Variants in ITPR1 observed in about 807,000 individuals in gnomAD.
ITPR1 encodes the protein inositol 1,4,5-trisphosphate-gated calcium channel ITPR1.
ITPR1 carries 96 observed loss-of-function variants against 318.4 expected under a neutral mutation model. That is an observed-to-expected ratio of 0.30 (90% confidence interval 0.26 to 0.36). ITPR1 has a LOEUF of 0.36. Among genes scored for constraint, ITPR1 ranks in the 10% least tolerant of loss-of-function variants. The probability of loss-of-function intolerance (pLI) is 1.00; values close to 1 mark genes in which losing one functional copy is unlikely to be tolerated. For synonymous variants in ITPR1, 1,312 were observed against 1,289.9 expected, an observed-to-expected ratio of 1.02 and a Z score of -0.37; for missense variants, 2,440 against 3,460.2, an observed-to-expected ratio of 0.71 and a Z score of 7.40.
chr3:4,598,856 T>G (rs1416591681), intron 4 of ITPR1, among the ~76,000 whole-genome samples: 1 of 152,178 alleles, frequency 6.6e-6, no homozygotes, highest in African/African-American at 2.4e-5. Context: ...GAATCTCACT[T>G]TACTCTGAGA....
chr3:4,665,396 T>C, intron 17 of ITPR1, 100 bp downstream of exon 17: 1 of 1,119,822 alleles, frequency 8.9e-7, no homozygotes, highest in East Asian at 2.4e-5. Context: ...ATTTATAGAA[T>C]GGATGCAGAA....
At chr3:4,624,968 T>C (rs1317946442) in intron 4 of ITPR1, among the ~76,000 whole-genome samples, 2 of 152,172 alleles carry the variant, frequency 1.3e-5, no homozygotes, top group African/African-American at 4.8e-5. Flanking sequence ...ATGACCTGTG[T>C]CTTTCCTAAG....
intron 60 of ITPR1, among the ~76,000 whole-genome samples, chr3:4,834,153 AAAG>A (rs2050717357): frequency 6.6e-6 from 1 of 152,154 alleles, no homozygotes; most frequent in South Asian, 2.1e-4. Context: ...TCGGCCTCCC[AAAG>A]CACTGGGATT....
chr3:4,733,200 C>A lies in ITPR1; in HGVS notation c.5333C>A (p.Pro1778His). ...FGNGPLSAGG[P>H]GKPGGGGGGS... ...AATGGCCCACTGTCAGCAGGAGGAC[C>A]CGGCAAGCCCGGGGGAGGAGGTACG... Residue 1778 changes from proline (P) to histidine (H), a missense_variant, in exon 43 of 62, where the codon CCC becomes CAC. Pro to His is a moderately conservative substitution (Grantham distance 77, BLOSUM62 -2). Around this residue, in one of 23 missense-constraint regions of ITPR1, gnomAD observed 166 missense variants for 143.7 expected, o/e 1.16. Coordinates refer to ENST00000649015, the MANE Select transcript of ITPR1 (RefSeq NM_001378452.1). 1.2e-6 allele frequency: 2 copies of A among 1,613,938 alleles called. No individual in the cohort carries two copies. Among genetic ancestry groups the A allele is most frequent in the Non-Finnish European group, 1.7e-6 (2 of 1,179,866 alleles).
At chr3:4,706,470 C>A in intron 37 of ITPR1, 119 bp downstream of exon 37, 2 of 839,514 alleles carry the variant, frequency 2.4e-6, no homozygotes, top group Non-Finnish European at 3.6e-6. Flanking sequence ...TGTCGGTGTG[C>A]TGAACGAATA....
intron 44 of ITPR1, among the ~76,000 whole-genome samples, chr3:4,754,198 TTG>T (rs2044777311): frequency 6.6e-6 from 1 of 151,764 alleles, no homozygotes; most frequent in African/African-American, 2.4e-5. Flanking sequence ...ACCTGGGGAG[TTG>T]TTTCCAGAGA....
chr3:4,810,787 T>C (rs1014573312), intron 55 of ITPR1, among the ~76,000 whole-genome samples: 2 of 152,200 alleles, frequency 1.3e-5, no homozygotes, highest in African/African-American at 4.8e-5. Flanking sequence ...GAGCTGAGAT[T>C]TGAATTTACA....
intron 5 of ITPR1, among the ~76,000 whole-genome samples, chr3:4,638,947 A>G (rs550555248): frequency 6.6e-6 from 1 of 152,144 alleles, no homozygotes; most frequent in Non-Finnish European, 1.5e-5. Context: ...ACTGATATTA[A>G]ATAACACATT....
intron 44 of ITPR1, among the ~76,000 whole-genome samples, chr3:4,739,500 G>A (rs1180388828): frequency 6.6e-6 from 1 of 152,152 alleles, no homozygotes; most frequent in Admixed American, 6.5e-5. Context: ...TGCATCTGTG[G>A]ATTCAACCAA....
intron 5 of ITPR1, among the ~76,000 whole-genome samples, chr3:4,632,676 A>G (rs1559577053): frequency 6.6e-6 from 1 of 152,162 alleles, no homozygotes; most frequent in African/African-American, 2.4e-5. Flanking sequence ...CTTCAGCCCC[A>G]TTTGCAACCT....
intron 38 of ITPR1, chr3:4,711,470 G>C (rs1469626520): frequency 3.0e-6 from 1 of 329,410 alleles, no homozygotes; most frequent in African/African-American, 2.1e-5. Flanking sequence ...GAGCAGGTCT[G>C]AGTGGACCTC....
chr3:4,835,583 AG>A (rs796949260), intron 60 of ITPR1, among the ~76,000 whole-genome samples: 3 of 151,408 alleles, frequency 2.0e-5, no homozygotes, highest in South Asian at 4.2e-4. Flanking sequence ...TGTGTGTGGG[AG>A]GGGGCTTGAT....
intron 61 of ITPR1, among the ~76,000 whole-genome samples, chr3:4,841,124 T>C (rs1473298): frequency 6.6e-6 from 1 of 152,212 alleles, no homozygotes. Context: ...TTCCTTATAC[T>C]GTGCTGGGAC....
At chr3:4,664,526 A>G (rs1184872633) in intron 16 of ITPR1, among the ~76,000 whole-genome samples, 1 of 152,236 alleles carries the variant, frequency 6.6e-6, no homozygotes, top group Non-Finnish European at 1.5e-5. Context: ...TTTATTAACA[A>G]TCCATCTTGT....
intron 42 of ITPR1, among the ~76,000 whole-genome samples, chr3:4,729,586 T>C (rs1291708563): frequency 6.6e-6 from 1 of 152,240 alleles, no homozygotes; most frequent in East Asian, 1.9e-4. Flanking sequence ...CTTAGTGCCT[T>C]GTTCAACACT....
At chr3:4,631,576 G>C (rs2093016509) in intron 5 of ITPR1, among the ~76,000 whole-genome samples, 1 of 151,918 alleles carries the variant, frequency 6.6e-6, no homozygotes, top group African/African-American at 2.4e-5. Context: ...TGACCTTTGG[G>C]GATTTTAACA....
Position 4,834,899 on chromosome 3 carries a change from G to A in ITPR1, c.8029-1875G>A, listed in dbSNP as rs1335775031. 6.6e-5 allele frequency among the ~76,000 whole-genome samples: 10 copies of A among 152,150 alleles called. No individual in the cohort carries two copies. The East Asian group carries it at 1.5e-3, about 23-fold the overall frequency. ...GAAGTGTTTATTCAGGGTATAGGAA[G>A]GTAGAGATTGCCATTTTTCTCCTCC... On this transcript the variant is annotated intron_variant, in intron 60 of 61. Transcript: ENST00000649015.
rs1321262778 is a variant in ITPR1, at chr3:4,727,108, T to C, written c.5173-18T>C. The C allele has an allele frequency of 3.1e-6, 5 of 1,596,860 alleles. No individual in the cohort carries two copies. The South Asian group carries it at 5.5e-5, about 18-fold the overall frequency. On this transcript the variant is annotated intron_variant, in intron 41 of 61. Coordinates refer to ENST00000649015, the MANE Select transcript of ITPR1 (RefSeq NM_001378452.1). ...TCCTTAGTGTTGTATTAAAATGGAA[T>C]TTCTGCATGCCTAGCAGGAGCTTGA...
chr3:4,809,104 C>T (rs1358958527), intron 55 of ITPR1, among the ~76,000 whole-genome samples: 2 of 152,146 alleles, frequency 1.3e-5, no homozygotes, highest in Non-Finnish European at 2.9e-5. Context: ...GGTTAAAAAG[C>T]CTGATGGTGC....
Sources: gnomAD v4.1 joint callset for allele counts (sites outside exome capture counted in the v4.1 genomes callset) on GRCh38, gnomAD v4.1.1 for gene constraint, gnomAD v4.1.1 regional missense constraint, MANE v1.5 for transcripts, NCBI Gene and HGNC (gene_info 2026-07-23, HGNC 2026-07-21) for gene names.